The following HNF4G variants were observed in gnomAD, a reference collection of about 807,000 sequenced individuals.
HNF4G encodes hepatocyte nuclear factor 4-gamma.
In HNF4G, 21 loss-of-function variants were observed where a neutral mutation model predicts 50.9. That is an observed-to-expected ratio of 0.41 (90% CI 0.29 to 0.59). The LOEUF (loss-of-function observed/expected upper bound fraction) is 0.59. Ranked by LOEUF, HNF4G falls within the 20% of genes least tolerant of loss-of-function variation. The pLI is 0.26. For missense variants in HNF4G, 527 were observed against 559.4 expected, an observed-to-expected ratio of 0.94 and a Z score of 0.58; for synonymous variants, 198 against 185.6, an observed-to-expected ratio of 1.07 and a Z score of -0.54.
chr8:75,463,001 A>G (rs1388812767), intron 1 of HNF4G, among the ~76,000 whole-genome samples: 1 of 151,524 alleles, frequency 6.6e-6, no homozygotes, highest in East Asian at 1.9e-4. Flanking sequence ...TTTACAAATA[A>G]TATTCTGCTG....
chr8:75,461,984 C>T (rs891890523), intron 1 of HNF4G, among the ~76,000 whole-genome samples: 12 of 150,572 alleles, frequency 8.0e-5, no homozygotes, highest in African/African-American at 2.7e-4. Context: ...GTGGTGCCAT[C>T]TCAGCTCACT....
At chr8:75,524,412 T>A (rs1160191040) in intron 2 of HNF4G, among the ~76,000 whole-genome samples, 1 of 152,144 alleles carries the variant, frequency 6.6e-6, no homozygotes, top group Non-Finnish European at 1.5e-5. Context: ...AGAAATCACA[T>A]GATCACTCTG....
intron 3 of HNF4G, among the ~76,000 whole-genome samples, chr8:75,547,939 T>G (rs1806836335): frequency 6.6e-6 from 1 of 151,988 alleles, no homozygotes; most frequent in African/African-American, 2.4e-5. Flanking sequence ...GGCAACAAAA[T>G]TATTGACTAA....
chr8:75,433,033 A>G (rs1243034860), intron 1 of HNF4G, among the ~76,000 whole-genome samples: 1 of 152,118 alleles, frequency 6.6e-6, no homozygotes, highest in Non-Finnish European at 1.5e-5. Context: ...TCCTGCTAAC[A>G]CCTTAAGTGT....
chr8:75,453,835 G>A (rs1811649434), intron 1 of HNF4G, among the ~76,000 whole-genome samples: 1 of 152,014 alleles, frequency 6.6e-6, no homozygotes, highest in Non-Finnish European at 1.5e-5. Flanking sequence ...TATCACACAA[G>A]GTTGGTGTAA....
chr8:75,415,668 G>A (rs1431082647), intron 1 of HNF4G, among the ~76,000 whole-genome samples: 1 of 152,056 alleles, frequency 6.6e-6, no homozygotes, highest in Non-Finnish European at 1.5e-5. Context: ...TTAGTCCTGT[G>A]ACAACTATGT....
At chr8:75,417,041 A>C (rs1810653936) in intron 1 of HNF4G, among the ~76,000 whole-genome samples, 1 of 152,158 alleles carries the variant, frequency 6.6e-6, no homozygotes, top group African/African-American at 2.4e-5. Flanking sequence ...TCTTTATATT[A>C]ATATTTCTAT....
rs552712242 is a variant in HNF4G, at chr8:75,466,702, C to T, written c.-143-23387C>T. 4.4e-5 allele frequency among the ~76,000 whole-genome samples: 6 copies of T among 135,300 alleles called. No individual in the cohort carries two copies. In the South Asian group the frequency reaches 1.5e-3, roughly 35 times the overall value. The allele number at this position is 135,300 out of a possible 152,430, so 88.8% of individuals were successfully genotyped here. A position where few individuals can be genotyped will look rare whatever the true frequency, so the allele number is the denominator to read the frequency against. ...TCCCTTCCCTTCCCTTTCTCTTCTTCTTTCTTTTTCAGACAGGACCTCACT... is the reference window on the plus strand; with the variant it reads ...TCCCTTCCCTTCCCTTTCTCTTCTTTTTTCTTTTTCAGACAGGACCTCACT... On this transcript the variant is annotated intron_variant, in intron 1 of 10. Coordinates refer to the HNF4G transcript ENST00000354370.
Position 75,530,737 on chromosome 8 carries a change from G to A in HNF4G, c.-23-13074G>A, listed in dbSNP as rs774766443. Among the ~76,000 whole-genome samples the A allele has an allele frequency of 4.0e-5, 6 of 150,672 alleles. No homozygotes were observed. In the East Asian group the frequency reaches 5.9e-4, roughly 15 times the overall value. ...ACAAGAGCAAAGCTGCAAAGAGATG[G>A]TAATCATAAAGGAAAGCATACAAGA... is the stretch of plus-strand genomic sequence containing the variant. On this transcript the variant is annotated intron_variant, in intron 2 of 10. Coordinates refer to the HNF4G transcript ENST00000354370.
At chr8:75,525,718 G>A (rs1411492531) in intron 2 of HNF4G, among the ~76,000 whole-genome samples, 2 of 152,136 alleles carry the variant, frequency 1.3e-5, no homozygotes, top group Non-Finnish European at 2.9e-5. Context: ...GAAAAAAAGG[G>A]TTATTCAACC....
chr8:75,519,514 G>T (rs1486448618), intron 2 of HNF4G, among the ~76,000 whole-genome samples: 2 of 152,190 alleles, frequency 1.3e-5, no homozygotes, highest in African/African-American at 2.4e-5. Context: ...AAGAAAAGAG[G>T]TTTAATGGGC....
intron 1 of HNF4G, among the ~76,000 whole-genome samples, chr8:75,430,474 T>TAGAG (rs66481707): frequency 1.2e-3 from 157 of 136,104 alleles, no homozygotes; most frequent in South Asian, 3.8e-3. Context: ...GGGTAGGGAG[T>TAGAG]AGAGAGAGAG....
chr8:75,532,876 T>C (rs1315940331), intron 2 of HNF4G, among the ~76,000 whole-genome samples: 1 of 152,062 alleles, frequency 6.6e-6, no homozygotes, highest in African/African-American at 2.4e-5. Context: ...TGTAGGATAA[T>C]AACTCTATTT....
chr8:75,520,077 T>A (rs912574799), intron 2 of HNF4G, among the ~76,000 whole-genome samples: 3 of 152,136 alleles, frequency 2.0e-5, no homozygotes, highest in Admixed American at 6.5e-5. Flanking sequence ...GTTTACTTAT[T>A]TTTTTACATC....
chr8:75,465,247 G>A (rs1426104768), intron 1 of HNF4G, among the ~76,000 whole-genome samples: 1 of 152,116 alleles, frequency 6.6e-6, no homozygotes. Flanking sequence ...TACATAACTA[G>A]AATAATATAT....
chr8:75,548,745 T>G (rs927729129), intron 3 of HNF4G, among the ~76,000 whole-genome samples: 1 of 152,152 alleles, frequency 6.6e-6, no homozygotes, highest in Non-Finnish European at 1.5e-5. Context: ...TTTCACAAAC[T>G]AAAATAATCA....
At position 75,558,872 on chromosome 8, in the gene HNF4G, T is replaced by G; in HGVS notation, c.958T>G (p.Tyr320Asp). 1.2e-6 allele frequency: 2 copies of G among 1,614,040 alleles called. No homozygotes were observed. The highest frequency in any genetic ancestry group is 1.7e-6 in the Non-Finnish European group (2 of 1,179,960). ...CCAAGTGCAGATCGGTTTGGAGGAC[T>G]ACATCAATGATCGGCAGTATGACTC... Reference protein sequence around the residue: ...RFQVQIGLEDYINDRQYDSRG... With the variant: ...RFQVQIGLEDDINDRQYDSRG... Residue 320 changes from tyrosine (Y) to aspartate (D), a missense_variant, in exon 8 of 10, where the codon TAC becomes GAC. Physicochemically the swap from Tyr to Asp is radical, Grantham distance 160. This residue lies in a region of HNF4G where 308 missense variants were observed against 301.5 expected (regional missense o/e 1.02). Transcript: ENST00000396423.
chr8:75,552,043 A>G (rs1301474605), intron 4 of HNF4G, among the ~76,000 whole-genome samples: 1 of 152,196 alleles, frequency 6.6e-6, no homozygotes, highest in Admixed American at 6.5e-5. Flanking sequence ...ATATACATAA[A>G]AATAAATTAT....
intron 2 of HNF4G, among the ~76,000 whole-genome samples, chr8:75,497,266 T>A (rs2130697066): frequency 6.6e-6 from 1 of 152,268 alleles, no homozygotes; most frequent in South Asian, 2.1e-4. Context: ...CACATCTGAT[T>A]CCTTGTAAAA....
Sources: allele counts gnomAD v4.1 joint callset (sites outside exome capture counted in the v4.1 genomes callset), GRCh38; gene constraint gnomAD v4.1.1; regional missense constraint gnomAD v4.1.1; transcripts MANE v1.5; gene names NCBI Gene and HGNC (gene_info 2026-07-23, HGNC 2026-07-21).